KDM4B: variants seen among roughly 807,000 people sequenced by gnomAD.
KDM4B encodes lysine-specific demethylase 4B.
In KDM4B, 32 loss-of-function variants were observed where a neutral mutation model predicts 125.2. The observed-to-expected ratio is 0.26, with a 90% CI of 0.19 to 0.34. KDM4B has a LOEUF of 0.34. Among genes scored for constraint, KDM4B ranks in the 10% least tolerant of loss-of-function variants. The probability of loss-of-function intolerance (pLI) is 1.00; values close to 1 mark genes in which losing one functional copy is unlikely to be tolerated. For missense variants in KDM4B, 1,190 were observed against 1,577.7 expected (o/e 0.75, Z 4.16); for synonymous variants, 721 against 677.9 (o/e 1.06, Z -0.99).
chr19:5,137,286 TG>T lies in KDM4B; in HGVS notation c.2335del (p.Val779SerfsTer31). On this transcript the variant is annotated frameshift_variant, in exon 16 of 23. Transcript: ENST00000159111. LOFTEE classifies it high-confidence loss of function. ...HASCYGIRPE[L>X]VNEGWTCSRC... ...GGTTGCTATGGCATCCGTCCCGAGC[TG>T]GTCAATGAAGGCTGGACGTGTTCCC... is the stretch of plus-strand genomic sequence containing the variant. 6.3e-7 allele frequency: 1 copy of T among 1,581,094 alleles called. No homozygotes were observed. The highest frequency in any genetic ancestry group is 1.8e-5 in the Admixed American group (1 of 54,886).
chr19:4,996,267 G>A (rs908145127), intron 1 of KDM4B, among the ~76,000 whole-genome samples: 1 of 152,204 alleles, frequency 6.6e-6, no homozygotes. Context: ...TGGGATTATA[G>A]GCGTGAGCTA....
intron 6 of KDM4B, among the ~76,000 whole-genome samples, chr19:5,049,202 G>A (rs1056675609): frequency 6.6e-6 from 1 of 152,240 alleles, no homozygotes; most frequent in South Asian, 2.1e-4. Flanking sequence ...ACAGGGATGC[G>A]CCAGGAGCCG....
chr19:5,096,436 G>A (rs1319873593), intron 9 of KDM4B, among the ~76,000 whole-genome samples: 3 of 152,174 alleles, frequency 2.0e-5, no homozygotes, highest in Non-Finnish European at 4.4e-5. Flanking sequence ...CTGGCAGCAT[G>A]GAGTGGTGTC....
At chr19:5,109,440 C>A (rs2039096376) in intron 9 of KDM4B, among the ~76,000 whole-genome samples, 3 of 152,188 alleles carry the variant, frequency 2.0e-5, no homozygotes, top group African/African-American at 7.2e-5. Flanking sequence ...CAAAGTGACG[C>A]AGCGGCAGAG....
At chr19:5,126,883 G>A (rs1201793651) in intron 11 of KDM4B, among the ~76,000 whole-genome samples, 3 of 152,264 alleles carry the variant, frequency 2.0e-5, no homozygotes, top group Non-Finnish European at 4.4e-5. Context: ...AAGCCAGGCC[G>A]AAGCTGGTGA....
chr19:5,016,932 T>A (rs1463953670), intron 2 of KDM4B, among the ~76,000 whole-genome samples: 1 of 152,232 alleles, frequency 6.6e-6, no homozygotes, highest in Non-Finnish European at 1.5e-5. Flanking sequence ...TCATCCCTTC[T>A]GGCCACACCC....
intron 9 of KDM4B, among the ~76,000 whole-genome samples, chr19:5,083,892 G>A (rs1219937925): frequency 1.3e-5 from 2 of 152,220 alleles, no homozygotes; most frequent in Admixed American, 1.3e-4. Context: ...TGTGGGGGAG[G>A]TGTGATAGGA....
At position 5,098,004 on chromosome 19, in the gene KDM4B, A is replaced by G. The variant is rs1213609326; in HGVS notation, c.919-12618A>G. 4.6e-5 allele frequency among the ~76,000 whole-genome samples: 7 copies of G among 152,314 alleles called. No individual in the cohort carries two copies. The East Asian group carries it at 1.4e-3, about 29-fold the overall frequency. On this transcript the variant is annotated intron_variant, in intron 9 of 22. Transcript: ENST00000159111. Reference sequence around the variant, plus strand: ...GTCAAGCTCTGTGGAAGGTTTCTGCATGTTTGCCCGAGCCCCACCAGGAGG... The same window carrying G: ...GTCAAGCTCTGTGGAAGGTTTCTGCGTGTTTGCCCGAGCCCCACCAGGAGG...
At chr19:4,995,485 G>A (rs900715974) in intron 1 of KDM4B, among the ~76,000 whole-genome samples, 2 of 152,050 alleles carry the variant, frequency 1.3e-5, no homozygotes, top group African/African-American at 4.8e-5. Context: ...CTCCATGTTG[G>A]CCAGGCTGGT....
intron 21 of KDM4B, among the ~76,000 whole-genome samples, chr19:5,149,246 G>A (rs1245166048): frequency 6.6e-6 from 1 of 152,244 alleles, no homozygotes; most frequent in African/African-American, 2.4e-5. Context: ...ACACACTTCC[G>A]CGATGGTCTT....
chr19:5,001,302 G>A (rs1275306490), intron 1 of KDM4B, among the ~76,000 whole-genome samples: 1 of 152,176 alleles, frequency 6.6e-6, no homozygotes, highest in Admixed American at 6.5e-5. Flanking sequence ...GGAATTACAG[G>A]TGTGAGCCAC....
chr19:4,987,243 A>G (rs2034869010), intron 1 of KDM4B, among the ~76,000 whole-genome samples: 1 of 152,234 alleles, frequency 6.6e-6, no homozygotes, highest in South Asian at 2.1e-4. Flanking sequence ...GAGGAAAGAA[A>G]CACAAAATGC....
intron 9 of KDM4B, among the ~76,000 whole-genome samples, chr19:5,083,679 C>T (rs1039933237): frequency 2.0e-5 from 3 of 152,190 alleles, no homozygotes; most frequent in Admixed American, 6.5e-5. Context: ...CTGTCTTCCC[C>T]GCAGAGACAG....
intron 1 of KDM4B, among the ~76,000 whole-genome samples, chr19:4,985,835 G>C (rs1334654904): frequency 6.6e-6 from 1 of 152,198 alleles, no homozygotes; most frequent in Non-Finnish European, 1.5e-5. Flanking sequence ...GCGCAGCCTG[G>C]GAGCGCGGAT....
intron 6 of KDM4B, among the ~76,000 whole-genome samples, chr19:5,057,896 A>G (rs2037460388): frequency 6.6e-6 from 1 of 152,256 alleles, no homozygotes; most frequent in Non-Finnish European, 1.5e-5. Context: ...GTTGTGGGAC[A>G]TGGAGATGAT....
chr19:5,139,582 C>T (rs1428845803), intron 18 of KDM4B, among the ~76,000 whole-genome samples: 2 of 152,254 alleles, frequency 1.3e-5, no homozygotes, highest in Non-Finnish European at 2.9e-5. Flanking sequence ...TCCTCACTCA[C>T]ACCTACCTTT....
At chr19:5,047,338 T>G in intron 5 of KDM4B, 138 bp from the exon 6 acceptor site, 1 of 733,566 alleles carries the variant, frequency 1.4e-6, no homozygotes, top group Non-Finnish European at 2.2e-6. Context: ...GACCGGCCCC[T>G]GGGGGGGCCG....
At chr19:5,090,415 T>C (rs1286192472) in intron 9 of KDM4B, among the ~76,000 whole-genome samples, 15 of 30,982 alleles carry the variant, frequency 4.8e-4, no homozygotes, top group East Asian at 3.3e-3. Flanking sequence ...TCTCCCCCTC[T>C]CCCCCTCTGT....
chr19:5,043,997 T>C (rs558611545), intron 5 of KDM4B, among the ~76,000 whole-genome samples: 11 of 96,280 alleles, frequency 1.1e-4, no homozygotes, highest in African/African-American at 2.6e-4. Flanking sequence ...TTATCCCGCG[T>C]GGTGTTTATC....
Sources: gnomAD v4.1 joint callset for allele counts (sites outside exome capture counted in the v4.1 genomes callset) on GRCh38, gnomAD v4.1.1 for gene constraint, MANE v1.5 for transcripts, NCBI Gene and HGNC (gene_info 2026-07-23, HGNC 2026-07-21) for gene names.